Variants in FILIP1 observed in about 807,000 individuals in gnomAD.
The protein encoded by FILIP1 is filamin-A-interacting protein 1.
A neutral mutation model predicts 102.1 loss-of-function variants in FILIP1; 61 were observed. The observed-to-expected ratio is 0.60, with a 90% CI of 0.49 to 0.74. The LOEUF (loss-of-function observed/expected upper bound fraction) is 0.74. Among genes scored for constraint, FILIP1 ranks in the 30% least tolerant of loss-of-function variants. The pLI, the probability that FILIP1 is intolerant of heterozygous loss-of-function variation, is 0.00. For missense variants in FILIP1, 1,314 were observed against 1,441.2 expected (o/e 0.91, Z 1.43); for synonymous variants, 491 against 526.9 (o/e 0.93, Z 0.93).
chr6:75,379,929 CT>C (rs1397473858), intron 2 of FILIP1, among the ~76,000 whole-genome samples: 2 of 152,262 alleles, frequency 1.3e-5, no homozygotes, highest in African/African-American at 2.4e-5. Flanking sequence ...GTTCGACTGA[CT>C]TTGTTTCTTG....
At chr6:75,444,790 G>A (rs1305961885) in intron 1 of FILIP1, among the ~76,000 whole-genome samples, 2 of 152,152 alleles carry the variant, frequency 1.3e-5, no homozygotes, top group Non-Finnish European at 2.9e-5. Flanking sequence ...TACTGCTCCT[G>A]TGTATATGTG....
chr6:75,482,245 G>A (rs1779667812), intron 1 of FILIP1, among the ~76,000 whole-genome samples: 1 of 152,190 alleles, frequency 6.6e-6, no homozygotes, highest in Non-Finnish European at 1.5e-5. Flanking sequence ...GAAATAAGGT[G>A]AAATAAAGCA....
intron 2 of FILIP1, among the ~76,000 whole-genome samples, chr6:75,407,180 T>G (rs1776887307): frequency 6.6e-6 from 1 of 152,168 alleles, no homozygotes; most frequent in Admixed American, 6.5e-5. Context: ...AGTTACAGAA[T>G]AGAAGAAGTT....
At chr6:75,459,499 C>T (rs1239212857) in intron 1 of FILIP1, among the ~76,000 whole-genome samples, 1 of 152,158 alleles carries the variant, frequency 6.6e-6, no homozygotes, top group Non-Finnish European at 1.5e-5. Context: ...TTTCCTCCTT[C>T]CTTCTCAGTC....
At chr6:75,390,866 C>T (rs1484747845) in intron 2 of FILIP1, among the ~76,000 whole-genome samples, 1 of 151,998 alleles carries the variant, frequency 6.6e-6, no homozygotes, top group East Asian at 1.9e-4. Flanking sequence ...ACTACTTTTG[C>T]CAATTTTTTT....
chr6:75,303,184 T>A (rs910037340), downstream of FILIP1, among the ~76,000 whole-genome samples: 1 of 151,564 alleles, frequency 6.6e-6, no homozygotes, highest in African/African-American at 2.4e-5. Context: ...TGGAGAATAA[T>A]AAGAGAAGGA....
At chr6:75,490,068 T>C (rs1779912822) in intron 1 of FILIP1, among the ~76,000 whole-genome samples, 1 of 152,112 alleles carries the variant, frequency 6.6e-6, no homozygotes, top group African/African-American at 2.4e-5. Context: ...GCATATGTTT[T>C]ATGAAAAAAT....
At chr6:75,420,254 A>G (rs905961009) in intron 1 of FILIP1, among the ~76,000 whole-genome samples, 1 of 152,004 alleles carries the variant, frequency 6.6e-6, no homozygotes, top group Non-Finnish European at 1.5e-5. Context: ...AATATCCTTC[A>G]AGAACAATAC....
rs79101078 is a variant in FILIP1 at position 75,476,902 on chromosome 6, T to C, written c.-7+16512A>G. 5.0e-3 allele frequency among the ~76,000 whole-genome samples: 761 copies of C among 152,326 alleles called. 6 individuals are homozygous for C. The highest frequency in any genetic ancestry group is 0.017 in the African/African-American group (720 of 41,576). On this transcript the variant is annotated intron_variant, in intron 1 of 5. Transcript: ENST00000237172. ...TTGATCTCACTGAATGTCAATTTGT[T>C]CTTGGAACTCTGTTCTGTTATACAA...
At chr6:75,486,982 G>C (rs1299236510) in intron 1 of FILIP1, among the ~76,000 whole-genome samples, 1 of 151,950 alleles carries the variant, frequency 6.6e-6, no homozygotes, top group Non-Finnish European at 1.5e-5. Context: ...AAGTGAACTC[G>C]ACCAATGCAG....
chr6:75,304,835 CT>C (rs1440553792), downstream of FILIP1, among the ~76,000 whole-genome samples: 4 of 152,180 alleles, frequency 2.6e-5, no homozygotes, highest in Non-Finnish European at 5.9e-5. Flanking sequence ...TAAGGAACAT[CT>C]GTTTTCATTG....
Position 75,308,265 on chromosome 6 carries a change from ATG to A in FILIP1, c.*424_*425del, listed in dbSNP as rs796896177. 8.1e-6 allele frequency: 8 copies of A among 990,380 alleles called. No individual in the cohort carries two copies. In the African/African-American group the frequency reaches 1.4e-4, roughly 17 times the overall value. The allele number at this position is 990,380 out of a possible 1,614,324, so 61.3% of individuals were successfully genotyped here. A position where few individuals can be genotyped will look rare whatever the true frequency, so the allele number is the denominator to read the frequency against. On this transcript the variant is annotated 3_prime_UTR_variant, in exon 6 of 6. Transcript: ENST00000237172. ...AGAGGCAAATGACAATAGTTAAAGTATGTCTTATTTTGTAATAGGATTTTTTT... is the reference window on the plus strand; with the variant it reads ...AGAGGCAAATGACAATAGTTAAAGTATCTTATTTTGTAATAGGATTTTTTT...
chr6:75,307,975 T>C, downstream of FILIP1: 1 of 904,560 alleles, frequency 1.1e-6, no homozygotes, highest in South Asian at 5.1e-5. Context: ...AGCACGAGTC[T>C]GACATTAATG....
intron 6 of FILIP1, among the ~76,000 whole-genome samples, chr6:75,302,939 T>A (rs1024968325): frequency 6.6e-6 from 1 of 152,120 alleles, no homozygotes; most frequent in Non-Finnish European, 1.5e-5. Flanking sequence ...GGCTGGAGAT[T>A]ACAAGACCAA....
At chr6:75,417,799 C>G (rs992270398) in intron 1 of FILIP1, among the ~76,000 whole-genome samples, 1 of 152,218 alleles carries the variant, frequency 6.6e-6, no homozygotes, top group African/African-American at 2.4e-5. Context: ...TCAGGTCGGA[C>G]ACTAAATACT....
chr6:75,469,570 T>C (rs1779272717), intron 1 of FILIP1, among the ~76,000 whole-genome samples: 1 of 152,034 alleles, frequency 6.6e-6, no homozygotes, highest in East Asian at 1.9e-4. Flanking sequence ...GGATTAGCTT[T>C]TAAGAATGTG....
Position 75,314,692 on chromosome 6 carries a change from C to T in FILIP1, c.1140G>A (p.Val380=), listed in dbSNP as rs757137460. ...ECGNSSLMAE[V]ENLRKRVLEM... ...CAAGCACACGCTTTCGAAGATTTTC[C>T]ACTTCTGCCATGAGGCTAGAGTTTC... The change falls in exon 5 of 6, where the codon GTG becomes GTA. Residue 380 remains valine (V), a synonymous_variant. Transcript: ENST00000237172. The T allele has an allele frequency of 3.7e-6, 6 of 1,613,826 alleles. 1 individual carries two copies. In the Admixed American group the frequency reaches 1.0e-4, roughly 27 times the overall value.
chr6:75,428,726 T>A (rs1777716677), intron 1 of FILIP1, among the ~76,000 whole-genome samples: 1 of 152,206 alleles, frequency 6.6e-6, no homozygotes, highest in Non-Finnish European at 1.5e-5. Flanking sequence ...TATCATTCAT[T>A]TTCCAGCAGG....
At chr6:75,347,139 G>GTGAA (rs1774614100) in intron 4 of FILIP1, among the ~76,000 whole-genome samples, 1 of 152,076 alleles carries the variant, frequency 6.6e-6, no homozygotes. Context: ...TTTATCAGAA[G>GTGAA]GTAAGAAGTT....
Sources: allele counts gnomAD v4.1 joint callset (sites outside exome capture counted in the v4.1 genomes callset), GRCh38; gene constraint gnomAD v4.1.1; transcripts MANE v1.5; gene names NCBI Gene and HGNC (gene_info 2026-07-23, HGNC 2026-07-21).